UFSP2: variants seen among roughly 807,000 people sequenced by gnomAD.
UFSP2 encodes ufm1-specific protease 2.
A neutral mutation model predicts 60.2 loss-of-function variants in UFSP2; 43 were observed. The observed-to-expected ratio is 0.71, with a 90% confidence interval of 0.56 to 0.92. The LOEUF (loss-of-function observed/expected upper bound fraction) is 0.92, where lower values mean the gene tolerates loss of function less well. Ranked by LOEUF, UFSP2 falls within the 40% of genes least tolerant of loss-of-function variation. The pLI, the probability that UFSP2 is intolerant of heterozygous loss-of-function variation, is 0.00. For missense variants in UFSP2, 520 were observed against 575.0 expected (o/e 0.90, Z 0.98); for synonymous variants, 183 against 195.1 (o/e 0.94, Z 0.52).
chr4:185,410,477 T>A (rs937359742), intron 7 of UFSP2, among the ~76,000 whole-genome samples: 5 of 148,808 alleles, frequency 3.4e-5, no homozygotes, highest in African/African-American at 1.3e-4. Context: ...GATGAAACCC[T>A]GTCTCTACTA....
intron 11 of UFSP2, among the ~76,000 whole-genome samples, chr4:185,400,780 C>G (rs1580045468): frequency 6.6e-6 from 1 of 152,294 alleles, no homozygotes; most frequent in African/African-American, 2.4e-5. Context: ...TTACCACTTG[C>G]AACTGATAGC....
At chr4:185,409,111 G>A (rs2095524991) in intron 7 of UFSP2, among the ~76,000 whole-genome samples, 1 of 152,068 alleles carries the variant, frequency 6.6e-6, no homozygotes, top group Non-Finnish European at 1.5e-5. Flanking sequence ...AAATGCTGCT[G>A]AATAAATGCT....
At chr4:185,413,636 A>G in intron 7 of UFSP2, 90 bp downstream of exon 7, 1 of 1,227,512 alleles carries the variant, frequency 8.1e-7, no homozygotes, top group Non-Finnish European at 1.1e-6. Flanking sequence ...ATGAATACAT[A>G]ATGAATCAAG....
At chr4:185,404,350 C>T (rs1312187438) in intron 10 of UFSP2, among the ~76,000 whole-genome samples, 4 of 140,536 alleles carry the variant, frequency 2.8e-5, no homozygotes, top group South Asian at 2.2e-4. Context: ...GGCTGGAGTG[C>T]GATAGCGTGA....
intron 2 of UFSP2, 71 bp from the exon 3 acceptor site, chr4:185,418,841 C>T (rs116637007): frequency 1.1e-5 from 14 of 1,220,484 alleles, no homozygotes; most frequent in African/African-American, 1.5e-5. Context: ...CAAACATACA[C>T]AAAAGTAGAG....
chr4:185,402,429 C>T, intron 11 of UFSP2: 1 of 399,024 alleles, frequency 2.5e-6, no homozygotes, highest in South Asian at 1.9e-5. Context: ...TTATCATAAA[C>T]AAAAGACTTC....
Position 185,418,759 on chromosome 4 carries a change from T to C in UFSP2, c.94A>G (p.Lys32Glu), listed in dbSNP as rs751595382. Residue 32 changes from lysine to glutamate, a missense_variant, in exon 3 of 12, where the codon AAG becomes GAG. By Grantham distance (56) the Lys-to-Glu change is moderately conservative. Transcript: ENST00000264689. ...QLATPNEIFL[K>E]KALKHVLSDL... ...CTCAACACATGTTTCAGTGCCTTCT[T>C]GAGAAAAATTTCTAAATTAAAAGAA... 3 of 1,583,882 alleles carry C rather than the reference T, an allele frequency of 1.9e-6. No individual in the cohort carries two copies. Among genetic ancestry groups the C allele is most frequent in the Non-Finnish European group, 2.6e-6 (3 of 1,172,308 alleles).
At chr4:185,418,279 T>G (rs779488669) in intron 4 of UFSP2, among the ~76,000 whole-genome samples, 162 bp downstream of exon 4, 1 of 152,180 alleles carries the variant, frequency 6.6e-6, no homozygotes, top group Non-Finnish European at 1.5e-5. Flanking sequence ...AAAACTTAGA[T>G]AAGTAAGACA....
chr4:185,423,054 T>A (rs2095552428), intron 1 of UFSP2, among the ~76,000 whole-genome samples: 1 of 152,206 alleles, frequency 6.6e-6, no homozygotes, highest in Admixed American at 6.5e-5. Context: ...GGACGGGATC[T>A]CAGAATATTG....
chr4:185,423,139 G>A (rs74868135), intron 1 of UFSP2, among the ~76,000 whole-genome samples: 14,149 of 152,238 alleles, frequency 0.093, 1,103 homozygotes, highest in African/African-American at 0.2. Flanking sequence ...GATTGCAGGC[G>A]TGAGCCACCG....
At chr4:185,401,055 T>A (rs952747999) in intron 11 of UFSP2, among the ~76,000 whole-genome samples, 22 of 152,218 alleles carry the variant, frequency 1.4e-4, no homozygotes, top group African/African-American at 5.3e-4. Context: ...TTTCTCAGAT[T>A]TCTCCTAGGG....
Position 185,400,017 on chromosome 4 carries a change from A to G in UFSP2, c.*375T>C, listed in dbSNP as rs770157609. The G allele has an allele frequency of 5.6e-6, 9 of 1,601,324 alleles. No individual in the cohort carries two copies. The highest frequency in any genetic ancestry group is 2.2e-5 in the East Asian group (1 of 44,810). ...AATGTTAACGTGTTTTTAAAAACAG[A>G]TGTCACGTGGGTTATGAAGAAGTCT... On this transcript the variant is annotated 3_prime_UTR_variant, in exon 12 of 12. Coordinates refer to ENST00000264689, the MANE Select transcript of UFSP2 (RefSeq NM_018359.5).
intron 1 of UFSP2, among the ~76,000 whole-genome samples, chr4:185,423,956 C>G (rs1473477234): frequency 6.6e-6 from 1 of 152,036 alleles, no homozygotes; most frequent in Non-Finnish European, 1.5e-5. Flanking sequence ...CACACTAAGA[C>G]CCCTATTTTG....
intron 4 of UFSP2, among the ~76,000 whole-genome samples, 182 bp downstream of exon 4, chr4:185,418,259 T>C (rs1170100153): frequency 4.6e-5 from 7 of 152,198 alleles, no homozygotes; most frequent in African/African-American, 1.7e-4. Context: ...TTATGTATTA[T>C]AATCAGACAA....
intron 1 of UFSP2, among the ~76,000 whole-genome samples, chr4:185,424,562 C>A (rs1488728971): frequency 6.6e-6 from 1 of 152,178 alleles, no homozygotes; most frequent in Non-Finnish European, 1.5e-5. Context: ...AAGTTCAGGA[C>A]AAATTTAGCT....
chr4:185,418,466 T>G lies in UFSP2; in HGVS notation c.308A>C (p.Lys103Thr). Residue 103 changes from lysine to threonine, a missense_variant, in exon 4 of 12, where the codon AAG becomes ACG. By Grantham distance (78) the Lys-to-Thr change is moderately conservative (BLOSUM62 -1). Transcript: ENST00000264689. The stretch of plus-strand genomic sequence containing the variant: ...CATGTCTGATAACTTTTTGTCCTTC[T>G]TTCTCATGAATTTTCTTTTTATATC... ...EEDIKRKFMRKKDKKLSDMHQ... is the reference protein window; with the variant it reads ...EEDIKRKFMRTKDKKLSDMHQ... The G allele has an allele frequency of 6.2e-7, 1 of 1,610,740 alleles. No individual in the cohort carries two copies. The highest frequency in any genetic ancestry group is 8.5e-7 in the Non-Finnish European group (1 of 1,177,440).
At position 185,418,419 on chromosome 4, in the gene UFSP2, A is replaced by G. The variant is rs572803125; in HGVS notation, c.333+22T>C. On this transcript the variant is annotated intron_variant, in intron 4 of 11. Coordinates refer to ENST00000264689, the MANE Select transcript of UFSP2 (RefSeq NM_018359.5). Reference sequence around the variant, plus strand: ...AAAGATTTAACATTTTTATCAGTACAGAAGACAGATAGTTTGCTTACCATG... The same window carrying G: ...AAAGATTTAACATTTTTATCAGTACGGAAGACAGATAGTTTGCTTACCATG... 5 of 1,564,734 alleles carry G rather than the reference A, an allele frequency of 3.2e-6. No homozygotes were observed. The South Asian group carries it at 3.4e-5, about 11-fold the overall frequency.
rs368590773 is a variant in UFSP2, at chr4:185,425,873, G to T, written c.-5C>A. On this transcript the variant is annotated 5_prime_UTR_variant, in exon 1 of 12. Coordinates refer to ENST00000264689, the MANE Select transcript of UFSP2 (RefSeq NM_018359.5). ...ACGAGCAGAGATACTCACCATGTCCGCGACGTGGCGGTGACACGGGCGCTG... is the reference window on the plus strand; with the variant it reads ...ACGAGCAGAGATACTCACCATGTCCTCGACGTGGCGGTGACACGGGCGCTG... The T allele has an allele frequency of 6.9e-6, 11 of 1,603,006 alleles. No homozygotes were observed. The highest frequency in any genetic ancestry group is 7.7e-6 in the Non-Finnish European group (9 of 1,174,936).
At chr4:185,408,082 A>G in intron 8 of UFSP2, 22 bp from the exon 9 acceptor site, 4 of 1,610,936 alleles carry the variant, frequency 2.5e-6, no homozygotes, top group Non-Finnish European at 3.4e-6. Context: ...TAAAAATATA[A>G]AACATCCATA....
Sources: gnomAD v4.1 joint callset for allele counts (sites outside exome capture counted in the v4.1 genomes callset) on GRCh38, gnomAD v4.1.1 for gene constraint, MANE v1.5 for transcripts, NCBI Gene and HGNC (gene_info 2026-07-23, HGNC 2026-07-21) for gene names.